Variants in WRNIP1 observed in about 807,000 individuals in gnomAD.
WRNIP1 encodes ATPase WRNIP1.
Under a neutral mutation model 56.1 loss-of-function variants are expected in WRNIP1, and 41 were observed. The observed-to-expected ratio is 0.73, with a 90% CI of 0.57 to 0.95. WRNIP1 has a LOEUF of 0.95. Among genes scored for constraint, WRNIP1 ranks in the 40% least tolerant of loss-of-function variants. The pLI is 0.00. For synonymous variants in WRNIP1, 547 were observed against 398.1 expected, an observed-to-expected ratio of 1.37 and a Z score of -4.45; for missense variants, 1,170 against 939.4, an observed-to-expected ratio of 1.25 and a Z score of -3.21.
intron 5 of WRNIP1, among the ~76,000 whole-genome samples, chr6:2,783,883 T>C (rs1765643261): frequency 6.6e-6 from 1 of 152,148 alleles, no homozygotes; most frequent in Admixed American, 6.5e-5. Context: ...TTAAATTTGC[T>C]TTAAGTCAGG....
intron 4 of WRNIP1, among the ~76,000 whole-genome samples, chr6:2,780,070 T>C (rs1040890292): frequency 2.6e-5 from 4 of 152,252 alleles, no homozygotes; most frequent in African/African-American, 9.6e-5. Flanking sequence ...CCAGCTCTTA[T>C]TAAATCTGTG....
chr6:2,777,309 C>G (rs1765456073), intron 3 of WRNIP1, among the ~76,000 whole-genome samples: 1 of 151,254 alleles, frequency 6.6e-6, no homozygotes, highest in Admixed American at 6.7e-5. Context: ...ATATTCCTCT[C>G]CTTGAGGTGC....
At chr6:2,770,878 A>T (rs2113461299) in intron 3 of WRNIP1, among the ~76,000 whole-genome samples, 1 of 152,208 alleles carries the variant, frequency 6.6e-6, no homozygotes, top group South Asian at 2.1e-4. Context: ...GTGTAGTTGA[A>T]ACTCAGTTTC....
rs1764891499 is a variant in WRNIP1 at position 2,765,436 on chromosome 6, G to A, written c.-187G>A. ...CGTGAGGCGCTGCCAGCGGCCGGCCGAGGGCGGGCGGACGCGGGAGCTGCG... is the reference window on the plus strand; with the variant it reads ...CGTGAGGCGCTGCCAGCGGCCGGCCAAGGGCGGGCGGACGCGGGAGCTGCG... On this transcript the variant is annotated 5_prime_UTR_variant, in exon 1 of 7. Transcript: ENST00000380773. 1 of 630,612 alleles carries A rather than the reference G, an allele frequency of 1.6e-6. No homozygotes were observed. Among genetic ancestry groups the A allele is most frequent in the Non-Finnish European group, 2.2e-6 (1 of 453,296 alleles). 39.1% of individuals were successfully genotyped at this position (630,612 alleles called of 1,614,324 possible). A position where few individuals can be genotyped will look rare whatever the true frequency, so the allele number is the denominator to read the frequency against.
chr6:2,767,634 A>T (rs1317914635), intron 1 of WRNIP1, among the ~76,000 whole-genome samples: 2 of 152,214 alleles, frequency 1.3e-5, no homozygotes, highest in Non-Finnish European at 2.9e-5. Flanking sequence ...AACCCCATTT[A>T]AGGGATTGAG....
intron 2 of WRNIP1, 71 bp downstream of exon 2, chr6:2,768,953 AC>A (rs1765159484): frequency 6.9e-7 from 1 of 1,452,482 alleles, no homozygotes; most frequent in South Asian, 1.4e-5. Context: ...AGATCACTAT[AC>A]AAACGCTAGA....
In WRNIP1 at chr6:2,766,011, G is replaced by A. The variant is rs746805087; in HGVS notation, c.389G>A (p.Arg130His). Residue 130 changes from arginine (R) to histidine (H), a missense_variant, in exon 1 of 7, where the codon CGC becomes CAC. Arg to His is a conservative substitution (Grantham distance 29, BLOSUM62 0). Coordinates refer to ENST00000380773, the MANE Select transcript of WRNIP1 (RefSeq NM_020135.3). ...ARLIPDFPVA[R>H]SSSPGRKGSG... ...CTTATCCCCGACTTCCCGGTGGCCC[G>A]CTCCAGCAGCCCCGGGAGGAAGGGG... 2.0e-5 allele frequency: 27 copies of A among 1,343,988 alleles called. No homozygotes were observed. The East Asian group carries it at 8.4e-4, about 42-fold the overall frequency. 83.3% of individuals were successfully genotyped at this position (1,343,988 alleles called of 1,614,324 possible).
Position 2,766,204 on chromosome 6 carries a change from C to G in WRNIP1, c.582C>G (p.Ala194=), listed in dbSNP as rs1178563620. Reference sequence around the variant, plus strand: ...CGGGGCACTGGGACGCGGACGCTGCCGAAGCCGCCACCGCCTTCGGGGCCA... The same window carrying G: ...CGGGGCACTGGGACGCGGACGCTGCGGAAGCCGCCACCGCCTTCGGGGCCA... ...DDPGHWDADA[A]EAATAFGASG... Residue 194 remains alanine (A), a synonymous_variant, in exon 1 of 7, where the codon GCC becomes GCG. Coordinates refer to ENST00000380773, the MANE Select transcript of WRNIP1 (RefSeq NM_020135.3). 1.4e-6 allele frequency: 2 copies of G among 1,441,028 alleles called. No individual in the cohort carries two copies. The highest frequency in any genetic ancestry group is 2.7e-5 in the Admixed American group (1 of 36,484). The allele number at this position is 1,441,028 out of a possible 1,614,324, so 89.3% of individuals were successfully genotyped here.
chr6:2,765,805 C>T lies in WRNIP1; in HGVS notation c.183C>T (p.Ala61=), dbSNP rs1280725223. ...GGTCGCACCGCGCCGGGGAGCGGGC[C>T]AAGGGGCCCTCGCCGCCCGGCGCCA... ...AAGSHRAGER[A]KGPSPPGAKR... The change falls in exon 1 of 7, where the codon GCC becomes GCT. Residue 61 remains alanine (A), a synonymous_variant. Transcript: ENST00000380773. 3.6e-6 allele frequency: 5 copies of T among 1,370,534 alleles called. No homozygotes were observed. The African/African-American group carries it at 4.6e-5, about 13-fold the overall frequency. The allele number at this position is 1,370,534 out of a possible 1,614,324, so 84.9% of individuals were successfully genotyped here.
chr6:2,779,832 A>G (rs1050231357), intron 4 of WRNIP1, among the ~76,000 whole-genome samples: 3 of 152,236 alleles, frequency 2.0e-5, no homozygotes, highest in African/African-American at 7.2e-5. Context: ...GACAATGAAT[A>G]TGTTTTGTGA....
chr6:2,766,411 G>A lies in WRNIP1; in HGVS notation c.789G>A (p.Ser263=), dbSNP rs750767099. The stretch of plus-strand genomic sequence containing the variant: ...TCCTGGAGACCAACGAAATCCCCTC[G>A]CTTATCCTGTGGGGGCCGCCGGGCT... ...RSLLETNEIP[S]LILWGPPGCG... is the part of the protein sequence containing the mutation. Residue 263 remains serine, a synonymous_variant, in exon 1 of 7, where the codon TCG becomes TCA. Coordinates refer to ENST00000380773, the MANE Select transcript of WRNIP1 (RefSeq NM_020135.3). 10 of 1,599,958 alleles carry A rather than the reference G, an allele frequency of 6.3e-6. No individual in the cohort carries two copies. Among genetic ancestry groups the A allele is most frequent in the Middle Eastern group, 1.7e-4 (1 of 6,038 alleles).
At chr6:2,780,542 C>T (rs957817392) in intron 4 of WRNIP1, among the ~76,000 whole-genome samples, 1 of 152,182 alleles carries the variant, frequency 6.6e-6, no homozygotes, top group Non-Finnish European at 1.5e-5. Context: ...TACATTGTGA[C>T]GTGAATGTGC....
chr6:2,777,576 TTG>T (rs1765461531), intron 3 of WRNIP1, among the ~76,000 whole-genome samples: 10 of 152,192 alleles, frequency 6.6e-5, no homozygotes, highest in Non-Finnish European at 1.2e-4. Context: ...CCCACACAGG[TTG>T]AGTGCAGTAA....
chr6:2,786,130 T>G lies in WRNIP1; in HGVS notation c.*848T>G, dbSNP rs141475695. On this transcript the variant is annotated 3_prime_UTR_variant, in exon 7 of 7. Coordinates refer to ENST00000380773, the MANE Select transcript of WRNIP1 (RefSeq NM_020135.3). ...CTACTGCTACTTCCTCTCCCTCTCC[T>G]TAGTTGCATGTCGTGCATATGCCCA... 6.6e-6 allele frequency: 1 copy of G among 152,314 alleles called. No homozygotes were observed. Among genetic ancestry groups the G allele is most frequent in the East Asian group, 1.9e-4 (1 of 5,168 alleles). The allele number at this position is 152,314 out of a possible 1,614,324, so 9.4% of individuals were successfully genotyped here.
rs1331730175 is a variant in WRNIP1 at position 2,765,986 on chromosome 6, C to T, written c.364C>T (p.Leu122Phe). ...GCCGCCCACACCCAGCGGCGCCCGCCTTATCCCCGACTTCCCGGTGGCCCG... is the reference window on the plus strand; with the variant it reads ...GCCGCCCACACCCAGCGGCGCCCGCTTTATCCCCGACTTCCCGGTGGCCCG... ...DAPPTPSGAR[L>F]IPDFPVARSS... Residue 122 changes from leucine to phenylalanine, a missense_variant, in exon 1 of 7, where the codon CTT (leucine) becomes TTT (phenylalanine). Leu to Phe is a conservative substitution (Grantham distance 22, BLOSUM62 0). Coordinates refer to ENST00000380773, the MANE Select transcript of WRNIP1 (RefSeq NM_020135.3). The T allele has an allele frequency of 4.3e-6, 6 of 1,398,058 alleles. No homozygotes were observed. Among genetic ancestry groups the T allele is most frequent in the East Asian group, 3.1e-5 (1 of 32,696 alleles). 86.6% of individuals were successfully genotyped at this position (1,398,058 alleles called of 1,614,324 possible).
chr6:2,776,590 C>T (rs977307700), intron 3 of WRNIP1, among the ~76,000 whole-genome samples: 2 of 152,318 alleles, frequency 1.3e-5, no homozygotes, highest in African/African-American at 4.8e-5. Context: ...ATTTTCCAAC[C>T]ACATAAAATA....
At position 2,765,859 on chromosome 6, in the gene WRNIP1, G is replaced by A. The variant is rs1418003396; in HGVS notation, c.237G>A (p.Ala79=). The part of the protein sequence containing the change: ...AKRRRLSESS[A]LKQPATPTAA... ...GGCGGCGGCTGTCGGAGAGCTCGGC[G>A]CTGAAGCAGCCAGCCACCCCGACGG... Residue 79 remains alanine (A), a synonymous_variant, in exon 1 of 7, where the codon GCG becomes GCA. Coordinates refer to ENST00000380773, the MANE Select transcript of WRNIP1 (RefSeq NM_020135.3). The A allele has an allele frequency of 3.5e-6, 5 of 1,440,784 alleles. No individual in the cohort carries two copies. Among genetic ancestry groups the A allele is most frequent in the Admixed American group, 4.9e-5 (2 of 40,460 alleles). The allele number at this position is 1,440,784 out of a possible 1,614,324, so 89.2% of individuals were successfully genotyped here.
chr6:2,769,782 A>G (rs540624379), intron 2 of WRNIP1, among the ~76,000 whole-genome samples: 1 of 152,364 alleles, frequency 6.6e-6, no homozygotes, highest in South Asian at 2.1e-4. Flanking sequence ...GCTGTTACAT[A>G]TAAGCTATGT....
At position 2,770,248 on chromosome 6, in the gene WRNIP1, A is replaced by G. The variant is rs377089094; in HGVS notation, c.1143A>G (p.Pro381=). Residue 381 remains proline, a synonymous_variant, in exon 3 of 7, where the codon CCA becomes CCG. Transcript: ENST00000380773. ...RCRVIVLEKL[P]VEAMVTILMR... The stretch of plus-strand genomic sequence containing the variant: ...GAGTGATTGTTCTTGAGAAGCTTCC[A>G]GTAGAGGCAATGGTGACTATTTTAA... 31 of 1,614,088 alleles carry G rather than the reference A, an allele frequency of 1.9e-5. No homozygotes were observed. Among genetic ancestry groups the G allele is most frequent in the Non-Finnish European group, 2.5e-5 (30 of 1,180,046 alleles).
Sources: gnomAD v4.1 joint callset for allele counts (sites outside exome capture counted in the v4.1 genomes callset) on GRCh38, gnomAD v4.1.1 for gene constraint, MANE v1.5 for transcripts, NCBI Gene and HGNC (gene_info 2026-07-23, HGNC 2026-07-21) for gene names.